The following LGR4 variants were observed in gnomAD, a reference collection of about 807,000 sequenced individuals.
LGR4 encodes leucine rich repeat containing G protein-coupled receptor 4, also known as leucine-rich repeat-containing G protein-coupled receptor 4.
In LGR4, 44 loss-of-function variants were observed where a neutral mutation model predicts 84.8. The observed-to-expected ratio is 0.52, with a 90% CI of 0.41 to 0.67. The LOEUF (loss-of-function observed/expected upper bound fraction) is 0.67. Ranked by LOEUF, LGR4 falls within the 30% of genes least tolerant of loss-of-function variation. LGR4 has a pLI of 0.00. For synonymous variants in LGR4, 429 were observed against 434.3 expected (o/e 0.99, Z 0.15); for missense variants, 1,032 against 1,131.4 (o/e 0.91, Z 1.26).
chr11:27,461,403 T>G (rs1864678051), intron 1 of LGR4, among the ~76,000 whole-genome samples: 1 of 151,890 alleles, frequency 6.6e-6, no homozygotes, highest in Admixed American at 6.6e-5. Flanking sequence ...AAATAAATAC[T>G]TTCAAAATAC....
intron 2 of LGR4, among the ~76,000 whole-genome samples, chr11:27,411,079 C>A (rs543327640): frequency 6.6e-6 from 1 of 152,156 alleles, no homozygotes; most frequent in South Asian, 2.1e-4. Context: ...CACAGTGGCC[C>A]CACCCAGAAT....
In LGR4 at chr11:27,472,660, C is replaced by T. The variant is rs1864905736; in HGVS notation, c.-358G>A. 6 of 357,952 alleles carry T rather than the reference C, an allele frequency of 1.7e-5. No individual in the cohort carries two copies. In the East Asian group the frequency reaches 2.5e-4, roughly 15 times the overall value. The allele number at this position is 357,952 out of a possible 1,614,324, so 22.2% of individuals were successfully genotyped here. On this transcript the variant is annotated 5_prime_UTR_variant, in exon 1 of 18. Transcript: ENST00000379214. The stretch of plus-strand genomic sequence containing the variant: ...GCTCTTCAAGGTTGCAGAGCGCAGC[C>T]TTCAGCCATGCCGGCCACTCGCCCC...
intron 1 of LGR4, among the ~76,000 whole-genome samples, chr11:27,417,314 G>T (rs1863839348): frequency 6.6e-6 from 1 of 151,942 alleles, no homozygotes; most frequent in Admixed American, 6.6e-5. Flanking sequence ...TAATGACCAA[G>T]AATGTCACCT....
chr11:27,423,070 ATTGATT>A (rs956218677), intron 1 of LGR4, among the ~76,000 whole-genome samples: 3 of 152,174 alleles, frequency 2.0e-5, no homozygotes, highest in African/African-American at 7.2e-5. Flanking sequence ...TAGATAACAT[ATTGATT>A]TTAAGATTAA....
chr11:27,413,059 T>C (rs1863740878), intron 1 of LGR4, among the ~76,000 whole-genome samples, 199 bp from the exon 2 acceptor site: 1 of 152,146 alleles, frequency 6.6e-6, no homozygotes, highest in African/African-American at 2.4e-5. Context: ...TTATGTCCCA[T>C]AATTTAGAAA....
rs918012116 is a variant in LGR4 at position 27,366,757 on chromosome 11, T to C, written c.*1110A>G. 10 of 152,356 alleles carry C rather than the reference T, an allele frequency of 6.6e-5. No homozygotes were observed. Among genetic ancestry groups the C allele is most frequent in the Non-Finnish European group, 1.3e-4 (9 of 67,978 alleles). 9.4% of individuals were successfully genotyped at this position (152,356 alleles called of 1,614,324 possible). Reference sequence around the variant, plus strand: ...AACATATTATCTTGTTTAACCAGAGTTCAACCTCTGAGCTATTGAATAGGC... The same window carrying C: ...AACATATTATCTTGTTTAACCAGAGCTCAACCTCTGAGCTATTGAATAGGC... On this transcript the variant is annotated 3_prime_UTR_variant, in exon 18 of 18. Coordinates refer to ENST00000379214, the MANE Select transcript of LGR4 (RefSeq NM_018490.5).
rs1862765995 is a variant in LGR4 at position 27,366,373 on chromosome 11, G to A, written c.*1494C>T. 1 of 152,510 alleles carries A rather than the reference G, an allele frequency of 6.6e-6. No individual in the cohort carries two copies. Among genetic ancestry groups the A allele is most frequent in the Non-Finnish European group, 1.5e-5 (1 of 67,958 alleles). The allele number at this position is 152,510 out of a possible 1,614,324, so 9.4% of individuals were successfully genotyped here. A position where few individuals can be genotyped will look rare whatever the true frequency, so the allele number is the denominator to read the frequency against. ...AACCACAATTTAACAGTCTGCTACT[G>A]GCAGCCACTATAGTTTAGGAGGTAG... On this transcript the variant is annotated 3_prime_UTR_variant, in exon 18 of 18. Transcript: ENST00000379214.
At chr11:27,400,750 G>T (rs192424691) in intron 2 of LGR4, among the ~76,000 whole-genome samples, 5 of 152,118 alleles carry the variant, frequency 3.3e-5, no homozygotes, top group Non-Finnish European at 7.4e-5. Context: ...ACCCACCTTG[G>T]CCTCCCAAAG....
Position 27,367,167 on chromosome 11 carries a change from T to C in LGR4, c.*700A>G, listed in dbSNP as rs1862780251. On this transcript the variant is annotated 3_prime_UTR_variant, in exon 18 of 18. Transcript: ENST00000379214. ...TTCTAGTAGTGTAATCACAAAACACTTAAGAAAAAATTACTGATTGGACCA... is the reference window on the plus strand; with the variant it reads ...TTCTAGTAGTGTAATCACAAAACACCTAAGAAAAAATTACTGATTGGACCA... The C allele has an allele frequency of 6.6e-6, 1 of 152,186 alleles. No homozygotes were observed. Among genetic ancestry groups the C allele is most frequent in the Non-Finnish European group, 1.5e-5 (1 of 68,020 alleles). 9.4% of individuals were successfully genotyped at this position (152,186 alleles called of 1,614,324 possible).
At chr11:27,378,380 C>T (rs1285329741) in intron 11 of LGR4, among the ~76,000 whole-genome samples, 1 of 151,948 alleles carries the variant, frequency 6.6e-6, no homozygotes, top group Admixed American at 6.6e-5. Flanking sequence ...AAGAAGGAGA[C>T]TATGAGGAGA....
In LGR4 at chr11:27,472,207, G is replaced by A. The variant is rs1383704412; in HGVS notation, c.96C>T (p.Pro32=). 2.1e-5 allele frequency: 29 copies of A among 1,399,518 alleles called. No homozygotes were observed. Among genetic ancestry groups the A allele is most frequent in the Non-Finnish European group, 2.7e-5 (29 of 1,076,864 alleles). The allele number at this position is 1,399,518 out of a possible 1,614,324, so 86.7% of individuals were successfully genotyped here. ...SGAAPPLCAA[P]CSCDGDRRVD... ...CCCGACGGTCGCCGTCGCAGCTGCA[G>A]GGCGCCGCGCAGAGAGGCGGCGCCG... Residue 32 remains proline (P), a synonymous_variant, in exon 1 of 18, where the codon CCC becomes CCT. Transcript: ENST00000379214.
chr11:27,382,077 T>C (rs1863106132), intron 7 of LGR4, 111 bp downstream of exon 7: 1 of 707,526 alleles, frequency 1.4e-6, no homozygotes, highest in East Asian at 2.6e-5. Context: ...TTTGTGTGCA[T>C]GTATTATGGA....
chr11:27,461,836 A>ATTTTTTTTTTTTTTTTTTT (rs35205372), intron 1 of LGR4, among the ~76,000 whole-genome samples: 1 of 76,558 alleles, frequency 1.3e-5, no homozygotes, highest in Non-Finnish European at 2.3e-5. Flanking sequence ...TTGAGTTAGG[A>ATTTTTTTTTTTTTTTTTTT]TTTTTTTTTT....
At chr11:27,438,334 T>C (rs1864246982) in intron 1 of LGR4, among the ~76,000 whole-genome samples, 1 of 152,184 alleles carries the variant, frequency 6.6e-6, no homozygotes, top group Admixed American at 6.6e-5. Context: ...TGTATAGCAA[T>C]AGTTCTCAAC....
intron 16 of LGR4, 52 bp downstream of exon 16, chr11:27,372,231 T>C: frequency 9.6e-7 from 1 of 1,045,702 alleles, no homozygotes; most frequent in Non-Finnish European, 1.5e-6. Flanking sequence ...TAACAGGAAC[T>C]TTAATCAATG....
At chr11:27,468,065 T>G (rs1864812571) in intron 1 of LGR4, among the ~76,000 whole-genome samples, 3 of 152,176 alleles carry the variant, frequency 2.0e-5, no homozygotes, top group Admixed American at 6.6e-5. Context: ...TAAAAAGTAC[T>G]TTCAAATGGT....
chr11:27,461,168 A>C (rs1191915608), intron 1 of LGR4, among the ~76,000 whole-genome samples: 2 of 152,106 alleles, frequency 1.3e-5, no homozygotes, highest in Non-Finnish European at 2.9e-5. Context: ...TTAAGATAAT[A>C]AGCTTTTCTT....
chr11:27,464,315 T>C (rs1405827734), intron 1 of LGR4, among the ~76,000 whole-genome samples: 2 of 152,128 alleles, frequency 1.3e-5, no homozygotes, highest in African/African-American at 4.8e-5. Context: ...TTCAAGGGCT[T>C]CTAGGCATAC....
At chr11:27,370,972 T>C (rs1862871812) in intron 17 of LGR4, among the ~76,000 whole-genome samples, 1 of 152,148 alleles carries the variant, frequency 6.6e-6, no homozygotes, top group Non-Finnish European at 1.5e-5. Flanking sequence ...CGCAGCCCCT[T>C]AAGAAGCTCA....
Sources: gnomAD v4.1 joint callset for allele counts (sites outside exome capture counted in the v4.1 genomes callset) on GRCh38, gnomAD v4.1.1 for gene constraint, MANE v1.5 for transcripts, NCBI Gene and HGNC (gene_info 2026-07-23, HGNC 2026-07-21) for gene names.